DLG1: variants seen among roughly 807,000 people sequenced by gnomAD.
DLG1 encodes the protein discs large MAGUK scaffold protein 1.
In DLG1, 42 loss-of-function variants were observed where a neutral mutation model predicts 123.4. The ratio of observed to expected loss-of-function variants is 0.34; its 90% confidence interval spans 0.27 to 0.44. The LOEUF is 0.44. Among genes scored for constraint, DLG1 ranks in the 20% least tolerant of loss-of-function variants. The probability of loss-of-function intolerance (pLI) is 1.00; values close to 1 mark genes in which losing one functional copy is unlikely to be tolerated. For synonymous variants in DLG1, 317 were observed against 356.2 expected (o/e 0.89, Z 1.24); for missense variants, 942 against 1,082.6 (o/e 0.87, Z 1.82).
At chr3:197,254,489 CGTTA>C in intron 4 of DLG1, among the ~76,000 whole-genome samples, 1 of 152,066 alleles carries the variant, frequency 6.6e-6, no homozygotes, top group Non-Finnish European at 1.5e-5. Flanking sequence ...TTCTTTTATA[CGTTA>C]TTTAGAGCAC....
intron 14 of DLG1, among the ~76,000 whole-genome samples, chr3:197,104,002 C>G (rs1764949796): frequency 6.6e-6 from 1 of 152,080 alleles, no homozygotes; most frequent in Non-Finnish European, 1.5e-5. Flanking sequence ...TTCTCCATCA[C>G]CACCTTCTTC....
chr3:197,247,047 T>C (rs974566095), intron 4 of DLG1, among the ~76,000 whole-genome samples: 66 of 152,240 alleles, frequency 4.3e-4, no homozygotes, highest in African/African-American at 1.5e-3. Flanking sequence ...CCCATAGGGG[T>C]TATTTAATAA....
chr3:197,092,278 C>T (rs73084518), intron 14 of DLG1, among the ~76,000 whole-genome samples: 1,681 of 152,176 alleles, frequency 0.011, 33 homozygotes, highest in African/African-American at 0.038. Flanking sequence ...CCTATTTTAG[C>T]GTTGTATCTG....
At chr3:197,053,156 G>T (rs1408400190) in intron 23 of DLG1, among the ~76,000 whole-genome samples, 1 of 152,290 alleles carries the variant, frequency 6.6e-6, no homozygotes, top group Admixed American at 6.5e-5. Flanking sequence ...GCAGCTGGAT[G>T]ATGAGTATAG....
chr3:197,219,333 T>C (rs191310356), intron 4 of DLG1, among the ~76,000 whole-genome samples: 3 of 152,222 alleles, frequency 2.0e-5, no homozygotes, highest in African/African-American at 7.2e-5. Context: ...AAACATTGAA[T>C]ATTCTTAAAC....
intron 4 of DLG1, among the ~76,000 whole-genome samples, chr3:197,273,498 A>G (rs1019274122): frequency 4.6e-5 from 7 of 152,122 alleles, no homozygotes; most frequent in Non-Finnish European, 1.0e-4. Flanking sequence ...TCTGCCTCCC[A>G]AAGTGCTGGG....
intron 13 of DLG1, among the ~76,000 whole-genome samples, chr3:197,108,553 T>C (rs553429997): frequency 6.6e-6 from 1 of 151,782 alleles, no homozygotes; most frequent in Admixed American, 6.6e-5. Flanking sequence ...TATTGGTAAT[T>C]AGAGTATATA....
chr3:197,113,584 C>A (rs1336524243), intron 13 of DLG1, among the ~76,000 whole-genome samples: 2 of 152,086 alleles, frequency 1.3e-5, no homozygotes, highest in Non-Finnish European at 2.9e-5. Flanking sequence ...ATGCTATTTG[C>A]ATAGTGTACC....
intron 3 of DLG1, among the ~76,000 whole-genome samples, chr3:197,286,537 G>A (rs993228538): frequency 6.6e-6 from 1 of 152,140 alleles, no homozygotes; most frequent in Non-Finnish European, 1.5e-5. Context: ...CTCGCCTGCC[G>A]CTCAGGTACA....
intron 15 of DLG1, among the ~76,000 whole-genome samples, chr3:197,089,882 C>G (rs1344396692): frequency 1.3e-5 from 2 of 151,994 alleles, no homozygotes; most frequent in Non-Finnish European, 2.9e-5. Context: ...ATTTAAGATT[C>G]CCACATCACT....
At chr3:197,057,571 C>T (rs1700449307) in intron 23 of DLG1, among the ~76,000 whole-genome samples, 1 of 152,204 alleles carries the variant, frequency 6.6e-6, no homozygotes, top group African/African-American at 2.4e-5. Context: ...GCACCCCTAA[C>T]ACTGTTACGA....
chr3:197,211,856 A>G (rs1731405530), intron 4 of DLG1, among the ~76,000 whole-genome samples: 1 of 146,718 alleles, frequency 6.8e-6, no homozygotes, highest in Admixed American at 6.9e-5. Flanking sequence ...GACATCAATG[A>G]CAGACTGGCT....
chr3:197,154,943 ACAT>A (rs1391126484), intron 5 of DLG1, among the ~76,000 whole-genome samples: 1 of 152,208 alleles, frequency 6.6e-6, no homozygotes, highest in Non-Finnish European at 1.5e-5. Context: ...GACCCGTGAG[ACAT>A]CATCAAGCAG....
At chr3:197,273,787 T>C (rs891650389) in intron 4 of DLG1, among the ~76,000 whole-genome samples, 2 of 119,352 alleles carry the variant, frequency 1.7e-5, no homozygotes, top group African/African-American at 6.6e-5. Context: ...AGTATTTCTA[T>C]AGACCAACAC....
intron 2 of DLG1, 177 bp downstream of exon 2, chr3:197,297,009 A>C (rs912342952): frequency 2.4e-5 from 17 of 704,814 alleles, no homozygotes; most frequent in Non-Finnish European, 4.0e-5. Context: ...AAAGTTTAAC[A>C]AACATTTTCG....
chr3:197,067,206 AAAT>A (rs1327863741), intron 19 of DLG1, among the ~76,000 whole-genome samples: 1 of 151,998 alleles, frequency 6.6e-6, no homozygotes, highest in Non-Finnish European at 1.5e-5. Context: ...TTTATTTTTA[AAAT>A]AATTACATCT....
At chr3:197,077,364 T>A (rs1031563161) in intron 17 of DLG1, among the ~76,000 whole-genome samples, 5 of 152,104 alleles carry the variant, frequency 3.3e-5, no homozygotes, top group African/African-American at 1.2e-4. Flanking sequence ...AAGAGACTTA[T>A]CAATGCCATC....
chr3:197,163,329 T>A (rs1799589075), intron 5 of DLG1, among the ~76,000 whole-genome samples: 1 of 152,096 alleles, frequency 6.6e-6, no homozygotes, highest in South Asian at 2.1e-4. Flanking sequence ...AGAATCAGCA[T>A]CTGATCTAGC....
intron 23 of DLG1, among the ~76,000 whole-genome samples, chr3:197,056,042 G>T (rs185764832): frequency 6.6e-6 from 1 of 152,194 alleles, no homozygotes; most frequent in Non-Finnish European, 1.5e-5. Context: ...GAGGGTAGAC[G>T]AACAGGTAGT....
Sources: gnomAD v4.1 joint callset for allele counts (sites outside exome capture counted in the v4.1 genomes callset) on GRCh38, gnomAD v4.1.1 for gene constraint, MANE v1.5 for transcripts, NCBI Gene and HGNC (gene_info 2026-07-23, HGNC 2026-07-21) for gene names.